The following SETBP1 variants were observed in gnomAD, a reference collection of about 807,000 sequenced individuals.
SETBP1 encodes the protein SET-binding protein.
A neutral mutation model predicts 101.0 loss-of-function variants in SETBP1; 9 were observed. The ratio of observed to expected loss-of-function variants is 0.09; its 90% CI spans 0.05 to 0.16. The LOEUF (loss-of-function observed/expected upper bound fraction) is 0.16. Among genes scored for constraint, SETBP1 ranks in the 10% least tolerant of loss-of-function variants. SETBP1 has a pLI of 1.00. For missense variants in SETBP1, 1,858 were observed against 2,033.8 expected (o/e 0.91, Z 1.66); for synonymous variants, 818 against 788.5 (o/e 1.04, Z -0.63).
intron 4 of SETBP1, among the ~76,000 whole-genome samples, chr18:45,006,969 G>T (rs1599439627): frequency 6.6e-6 from 1 of 152,238 alleles, no homozygotes; most frequent in African/African-American, 2.4e-5. Flanking sequence ...TCCAGCTCAG[G>T]GTCTCATCTC....
intron 2 of SETBP1, among the ~76,000 whole-genome samples, chr18:44,849,619 C>T (rs1369750765): frequency 6.6e-6 from 1 of 151,912 alleles, no homozygotes; most frequent in Non-Finnish European, 1.5e-5. Context: ...TGAAGTGTGA[C>T]TGAGCCACAA....
At chr18:45,017,810 C>T (rs933507676) in intron 4 of SETBP1, among the ~76,000 whole-genome samples, 1 of 152,248 alleles carries the variant, frequency 6.6e-6, no homozygotes, top group South Asian at 2.1e-4. Flanking sequence ...CACCACACTG[C>T]GTCCCTACCT....
intron 4 of SETBP1, among the ~76,000 whole-genome samples, chr18:44,953,635 T>A (rs1039405091): frequency 1.3e-5 from 2 of 152,228 alleles, no homozygotes; most frequent in Non-Finnish European, 2.9e-5. Context: ...TTAAAGATGC[T>A]GTTCTTAGGT....
At chr18:44,903,760 C>T (rs2070107115) in intron 3 of SETBP1, among the ~76,000 whole-genome samples, 1 of 152,174 alleles carries the variant, frequency 6.6e-6, no homozygotes, top group South Asian at 2.1e-4. Context: ...TCACCACAAA[C>T]AGTCATCAGA....
chr18:44,845,343 T>A (rs935948183), intron 2 of SETBP1, among the ~76,000 whole-genome samples: 1 of 152,182 alleles, frequency 6.6e-6, no homozygotes, highest in African/African-American at 2.4e-5. Context: ...TCGGCCCCTT[T>A]GGAACTGCCT....
At chr18:44,897,117 G>A (rs774462111) in intron 3 of SETBP1, among the ~76,000 whole-genome samples, 2 of 152,154 alleles carry the variant, frequency 1.3e-5, no homozygotes, top group African/African-American at 2.4e-5. Context: ...GCACGATAGA[G>A]GTTAAGATTG....
intron 4 of SETBP1, among the ~76,000 whole-genome samples, chr18:45,017,632 A>G (rs767078427): frequency 1.2e-4 from 19 of 152,236 alleles, no homozygotes; most frequent in Non-Finnish European, 2.2e-4. Context: ...CTGCCTCGTT[A>G]CTAATGAACA....
At chr18:44,891,901 G>T (rs1471935889) in intron 3 of SETBP1, among the ~76,000 whole-genome samples, 1 of 151,978 alleles carries the variant, frequency 6.6e-6, no homozygotes, top group African/African-American at 2.4e-5. Context: ...ATTTTTGAAC[G>T]TTTGAACATT....
intron 4 of SETBP1, among the ~76,000 whole-genome samples, chr18:44,963,143 C>T (rs1480642830): frequency 6.6e-6 from 1 of 152,118 alleles, no homozygotes; most frequent in Non-Finnish European, 1.5e-5. Flanking sequence ...TAGCATCCTC[C>T]CAACCCCCAC....
chr18:44,986,158 T>C (rs2072228627), intron 4 of SETBP1: 1 of 152,208 alleles, frequency 6.6e-6, no homozygotes, highest in Non-Finnish European at 1.5e-5. Context: ...GTGTAGCCTT[T>C]TGCTCCTAGG....
intron 3 of SETBP1, among the ~76,000 whole-genome samples, chr18:44,945,835 A>G (rs1568230943): frequency 6.6e-6 from 1 of 152,262 alleles, no homozygotes; most frequent in East Asian, 1.9e-4. Context: ...GTTAATAAAG[A>G]CCTGAGTCAG....
At chr18:44,929,493 A>G (rs1292449168) in intron 3 of SETBP1, among the ~76,000 whole-genome samples, 2 of 152,218 alleles carry the variant, frequency 1.3e-5, no homozygotes, top group East Asian at 1.9e-4. Flanking sequence ...TAGCTTGATG[A>G]GGATGGCATT....
At chr18:44,787,579 G>T (rs2071264387) in intron 2 of SETBP1, among the ~76,000 whole-genome samples, 1 of 152,056 alleles carries the variant, frequency 6.6e-6, no homozygotes, top group African/African-American at 2.4e-5. Context: ...TGTTGGCCGG[G>T]CGCGGTGGCT....
chr18:44,917,229 C>T (rs746753054), intron 3 of SETBP1, among the ~76,000 whole-genome samples: 2 of 152,188 alleles, frequency 1.3e-5, no homozygotes, highest in East Asian at 1.9e-4. Flanking sequence ...GAAGCCCTTA[C>T]TTGCTGCATG....
chr18:44,876,858 G>A, intron 3 of SETBP1: 1 of 1,416,262 alleles, frequency 7.1e-7, no homozygotes, highest in Non-Finnish European at 9.2e-7. Context: ...GACAGCATTT[G>A]GGCTTATGAT....
intron 2 of SETBP1, among the ~76,000 whole-genome samples, chr18:44,742,635 T>G (rs895821836): frequency 1.3e-5 from 2 of 152,150 alleles, no homozygotes; most frequent in Non-Finnish European, 2.9e-5. Flanking sequence ...TCAGAAAGTC[T>G]TCTTTCTTCT....
intron 1 of SETBP1, among the ~76,000 whole-genome samples, chr18:44,681,781 G>GGATTTCC (rs1423711544): frequency 6.6e-6 from 1 of 152,106 alleles, no homozygotes; most frequent in Non-Finnish European, 1.5e-5. Flanking sequence ...GTTGTGGGAA[G>GGATTTCC]GATTTCCGAT....
At chr18:44,850,167 C>T (rs1251062058) in intron 2 of SETBP1, among the ~76,000 whole-genome samples, 1 of 152,172 alleles carries the variant, frequency 6.6e-6, no homozygotes, top group Admixed American at 6.5e-5. Flanking sequence ...GCAACATTAA[C>T]TCATGACATA....
intron 4 of SETBP1, among the ~76,000 whole-genome samples, chr18:45,008,586 C>T (rs1163294122): frequency 6.6e-6 from 1 of 152,176 alleles, no homozygotes; most frequent in Admixed American, 6.5e-5. Context: ...CTTTGGGTTC[C>T]AACTTTTTAC....
Sources: allele counts gnomAD v4.1 joint callset (sites outside exome capture counted in the v4.1 genomes callset), GRCh38; gene constraint gnomAD v4.1.1; transcripts MANE v1.5; gene names NCBI Gene and HGNC (gene_info 2026-07-23, HGNC 2026-07-21).